The following ADORA1 variants were observed in gnomAD, a reference collection of about 807,000 sequenced individuals.
ADORA1 encodes adenosine receptor A1.
In ADORA1, 6 loss-of-function variants were observed where a neutral mutation model predicts 19.9. The ratio of observed to expected loss-of-function variants is 0.30; its 90% confidence interval spans 0.17 to 0.59. The LOEUF is 0.59. ADORA1 is among the 20% of genes least tolerant of loss of function. The pLI is 0.87. For synonymous variants in ADORA1, 194 were observed against 188.4 expected, an observed-to-expected ratio of 1.03 and a Z score of -0.24; for missense variants, 302 against 439.2, an observed-to-expected ratio of 0.69 and a Z score of 2.79.
intron 3 of ADORA1, among the ~76,000 whole-genome samples, chr1:203,151,625 C>G (rs1655038541): frequency 2.0e-5 from 3 of 152,128 alleles, no homozygotes; most frequent in African/African-American, 7.2e-5. Flanking sequence ...CTGCGCCAGC[C>G]TCATCCTCAC....
rs1435825261 is a variant in ADORA1 at position 203,166,189 on chromosome 1, C to T, written c.*289C>T. ...CCCACCTGCCTGACCATCCCATGAG[C>T]AGTCCAGAGCTTCAGGGCTGGGCAG... On this transcript the variant is annotated 3_prime_UTR_variant, in exon 4 of 4. Transcript: ENST00000337894. 1 of 328,738 alleles carries T rather than the reference C, an allele frequency of 3.0e-6. No individual in the cohort carries two copies. The allele number at this position is 328,738 out of a possible 1,614,324, so 20.4% of individuals were successfully genotyped here. A position where few individuals can be genotyped will look rare whatever the true frequency, so the allele number is the denominator to read the frequency against.
Position 203,165,360 on chromosome 1 carries a change from C to T in ADORA1, c.441C>T (p.Asn147=). ...GACTGACCCCTATGTTTGGCTGGAA[C>T]AATCTGAGTGCGGTGGAGCGGGCCT... The part of the protein sequence containing the change: ...VVGLTPMFGW[N]NLSAVERAWA... Residue 147 remains asparagine (N), a synonymous_variant, in exon 4 of 4, where the codon AAC becomes AAT. Coordinates refer to ENST00000337894, the MANE Select transcript of ADORA1 (RefSeq NM_000674.3). The surrounding 1 kb of genome is among the most constrained non-coding windows in gnomAD (Gnocchi z 5.9). 1 of 1,589,168 alleles carries T rather than the reference C, an allele frequency of 6.3e-7. No individual in the cohort carries two copies. The highest frequency in any genetic ancestry group is 8.6e-7 in the Non-Finnish European group (1 of 1,167,326).
chr1:203,154,735 C>T (rs1478819272), intron 3 of ADORA1, among the ~76,000 whole-genome samples: 1 of 152,184 alleles, frequency 6.6e-6, no homozygotes, highest in Admixed American at 6.5e-5. Flanking sequence ...TTGGGAAATG[C>T]AGCCTGCCGG....
intron 3 of ADORA1, among the ~76,000 whole-genome samples, chr1:203,136,066 G>A (rs1208435600): frequency 1.3e-5 from 2 of 152,134 alleles, no homozygotes; most frequent in South Asian, 2.1e-4. Flanking sequence ...GGCCTCATTC[G>A]GCAGGTGGGG....
chr1:203,159,289 G>A (rs1008959678), intron 3 of ADORA1, among the ~76,000 whole-genome samples: 2 of 152,166 alleles, frequency 1.3e-5, no homozygotes, highest in African/African-American at 4.8e-5. Flanking sequence ...ACAGCAATTC[G>A]ATTATATTAT....
At position 203,128,334 on chromosome 1, in the gene ADORA1, C is replaced by G; in HGVS notation, c.-156C>G. 2.3e-6 allele frequency: 3 copies of G among 1,288,796 alleles called. No homozygotes were observed. The highest frequency in any genetic ancestry group is 3.0e-6 in the Non-Finnish European group (3 of 988,436). 79.8% of individuals were successfully genotyped at this position (1,288,796 alleles called of 1,614,324 possible). On this transcript the variant is annotated 5_prime_UTR_variant, in exon 2 of 4. Transcript: ENST00000337894. This position sits in a 1 kb window ranked among gnomAD's most constrained non-coding sequence, Gnocchi z 5.9. ...AGGACTATGAGCTGCCGCGCGTTGTCCAGAGCCCAGCCCAGCCCTACCGCG... is the reference window on the plus strand; with the variant it reads ...AGGACTATGAGCTGCCGCGCGTTGTGCAGAGCCCAGCCCAGCCCTACCGCG...
chr1:203,165,784 G>T lies in ADORA1; in HGVS notation c.865G>T (p.Ala289Ser). The T allele has an allele frequency of 6.2e-7, 1 of 1,613,732 alleles. No individual in the cohort carries two copies. Among genetic ancestry groups the T allele is most frequent in the Non-Finnish European group, 8.5e-7 (1 of 1,179,760 alleles). ...GNSAMNPIVY[A>S]FRIQKFRVTF... ...CTCGGCCATGAACCCCATTGTCTAT[G>T]CCTTCCGCATCCAGAAGTTCCGCGT... Residue 289 changes from alanine to serine, a missense_variant, in exon 4 of 4, where the codon GCC (alanine) becomes TCC (serine). Physicochemically the swap from Ala to Ser is moderately conservative, Grantham distance 99. Transcript: ENST00000337894. The surrounding 1 kb of genome is among the most constrained non-coding windows in gnomAD (Gnocchi z 5.9).
At chr1:203,152,458 A>T (rs955331657) in intron 3 of ADORA1, 1 of 152,286 alleles carries the variant, frequency 6.6e-6, no homozygotes. Flanking sequence ...CCTTCCCACC[A>T]TGGCGGACCT....
At chr1:203,157,216 G>T (rs1301251479) in intron 3 of ADORA1, among the ~76,000 whole-genome samples, 1 of 152,208 alleles carries the variant, frequency 6.6e-6, no homozygotes, top group Non-Finnish European at 1.5e-5. Context: ...ATTTCCTTCT[G>T]GTTGTGAGCC....
At chr1:203,153,906 T>C (rs921543645) in intron 3 of ADORA1, among the ~76,000 whole-genome samples, 2 of 152,124 alleles carry the variant, frequency 1.3e-5, no homozygotes, top group African/African-American at 4.8e-5. Context: ...CTGAGATCCT[T>C]GATAAGAGAG....
intron 3 of ADORA1, among the ~76,000 whole-genome samples, chr1:203,155,078 C>T (rs866258641): frequency 9.9e-5 from 15 of 150,850 alleles, no homozygotes; most frequent in African/African-American, 2.2e-4. Context: ...GACGGAGTCT[C>T]GCTCTGTCAC....
Position 203,165,624 on chromosome 1 carries a change from G to T in ADORA1, c.705G>T (p.Ser235=). Reference sequence around the variant, plus strand: ...GGAAGGAGCTGAAGATCGCCAAGTCGCTGGCCCTCATCCTCTTCCTCTTTG... The same window carrying T: ...GGAAGGAGCTGAAGATCGCCAAGTCTCTGGCCCTCATCCTCTTCCTCTTTG... ...YYGKELKIAK[S]LALILFLFAL... Residue 235 remains serine (S), a synonymous_variant, in exon 4 of 4, where the codon TCG becomes TCT. Transcript: ENST00000337894. This position sits in a 1 kb window ranked among gnomAD's most constrained non-coding sequence, Gnocchi z 5.9. 1 of 1,612,542 alleles carries T rather than the reference G, an allele frequency of 6.2e-7. No individual in the cohort carries two copies. Among genetic ancestry groups the T allele is most frequent in the Non-Finnish European group, 8.5e-7 (1 of 1,178,834 alleles).
intron 3 of ADORA1, among the ~76,000 whole-genome samples, chr1:203,133,775 G>C (rs549296911): frequency 2.0e-5 from 3 of 152,234 alleles, no homozygotes; most frequent in African/African-American, 4.8e-5. Context: ...CTGCTGACCC[G>C]GGGAACCACA....
chr1:203,141,803 G>C (rs1334207203), intron 3 of ADORA1, among the ~76,000 whole-genome samples: 1 of 151,916 alleles, frequency 6.6e-6, no homozygotes, highest in Non-Finnish European at 1.5e-5. Context: ...GATTGGTCTC[G>C]AACTCCTGGC....
At chr1:203,129,210 C>T in intron 3 of ADORA1, 28 bp downstream of exon 3, 1 of 1,581,926 alleles carries the variant, frequency 6.3e-7, no homozygotes, top group Non-Finnish European at 8.6e-7. Flanking sequence ...AAGGTACTCG[C>T]AGCACCACAT....
chr1:203,163,895 C>G (rs1331714241), intron 3 of ADORA1, among the ~76,000 whole-genome samples: 1 of 152,210 alleles, frequency 6.6e-6, no homozygotes, highest in Non-Finnish European at 1.5e-5. Context: ...TCCCTTCACA[C>G]TCCTGGGTCT....
At chr1:203,155,621 T>C (rs939548532) in intron 3 of ADORA1, among the ~76,000 whole-genome samples, 2 of 152,188 alleles carry the variant, frequency 1.3e-5, no homozygotes, top group Admixed American at 6.5e-5. Context: ...TAAGAGACTC[T>C]GGGGAGGTGA....
intron 3 of ADORA1, among the ~76,000 whole-genome samples, chr1:203,160,167 G>A (rs2102764408): frequency 6.6e-6 from 1 of 152,300 alleles, no homozygotes; most frequent in East Asian, 1.9e-4. Context: ...CTGGCAGAGT[G>A]GCCTTGGACA....
chr1:203,148,642 C>G (rs1470803540), intron 3 of ADORA1, among the ~76,000 whole-genome samples: 1 of 152,168 alleles, frequency 6.6e-6, no homozygotes, highest in Non-Finnish European at 1.5e-5. Flanking sequence ...GGGGAGAGAG[C>G]AGTGTGGTTG....
Sources: allele counts gnomAD v4.1 joint callset (sites outside exome capture counted in the v4.1 genomes callset), GRCh38; gene constraint gnomAD v4.1.1; non-coding constraint Gnocchi (gnomAD v3.1); transcripts MANE v1.5; gene names NCBI Gene and HGNC (gene_info 2026-07-23, HGNC 2026-07-21).